Variants in DLC1 observed in about 807,000 individuals in gnomAD.
DLC1 encodes DLC1 Rho GTPase activating protein, also known as rho GTPase-activating protein 7.
Under a neutral mutation model 140.3 loss-of-function variants are expected in DLC1, and 54 were observed. That is an observed-to-expected ratio of 0.38 (90% CI 0.31 to 0.48). DLC1 has a LOEUF of 0.48. DLC1 is among the 20% of genes least tolerant of loss of function. DLC1 has a pLI of 0.96. For missense variants in DLC1, 2,536 were observed against 1,907.0 expected, an observed-to-expected ratio of 1.33 and a Z score of -6.14; for synonymous variants, 986 against 728.1, an observed-to-expected ratio of 1.35 and a Z score of -5.70.
At chr8:13,501,874 A>G (rs1801837112) in intron 1 of DLC1, among the ~76,000 whole-genome samples, 1 of 152,190 alleles carries the variant, frequency 6.6e-6, no homozygotes, top group South Asian at 2.1e-4. Flanking sequence ...AAGAACACAT[A>G]GATGCAAGCC....
intron 2 of DLC1, among the ~76,000 whole-genome samples, chr8:13,453,400 A>G (rs1459581994): frequency 2.3e-4 from 9 of 38,852 alleles, no homozygotes; most frequent in South Asian, 9.7e-4. Flanking sequence ...ATATATATAT[A>G]TGTGTATATA....
At chr8:13,357,771 A>C (rs1413293578) in intron 4 of DLC1, among the ~76,000 whole-genome samples, 3 of 152,242 alleles carry the variant, frequency 2.0e-5, no homozygotes, top group Non-Finnish European at 4.4e-5. Context: ...ACTCTTATGA[A>C]AATCCAGATG....
At chr8:13,195,407 T>C (rs1826989678) in intron 5 of DLC1, among the ~76,000 whole-genome samples, 1 of 152,198 alleles carries the variant, frequency 6.6e-6, no homozygotes, top group African/African-American at 2.4e-5. Context: ...AGCCTTCCTA[T>C]ATAAATAAAT....
At chr8:13,417,633 C>T (rs1218097473) in intron 2 of DLC1, among the ~76,000 whole-genome samples, 1 of 151,950 alleles carries the variant, frequency 6.6e-6, no homozygotes, top group Non-Finnish European at 1.5e-5. Context: ...GTGTTGGTTC[C>T]AAGTCTTTGC....
At chr8:13,472,323 G>A (rs1001931711) in intron 2 of DLC1, among the ~76,000 whole-genome samples, 2 of 152,112 alleles carry the variant, frequency 1.3e-5, no homozygotes, top group Non-Finnish European at 2.9e-5. Flanking sequence ...GGGAGTGTTG[G>A]TTCATTCATT....
intron 5 of DLC1, among the ~76,000 whole-genome samples, chr8:13,150,317 C>G (rs1823713085): frequency 6.6e-6 from 1 of 152,110 alleles, no homozygotes; most frequent in Admixed American, 6.5e-5. Flanking sequence ...CTTCATTATT[C>G]CTTTCAAGGT....
intron 1 of DLC1, among the ~76,000 whole-genome samples, chr8:13,522,140 C>G (rs537758990): frequency 6.6e-6 from 1 of 152,266 alleles, no homozygotes; most frequent in African/African-American, 2.4e-5. Context: ...GAGAATGTTT[C>G]CTGGTACTGC....
At chr8:13,566,957 C>A in intron 1 of DLC1, 7 of 1,509,152 alleles carry the variant, frequency 4.6e-6, no homozygotes, top group Non-Finnish European at 6.2e-6. Flanking sequence ...TTAACCTGGG[C>A]AAAGGAGATG....
chr8:13,520,228 G>A (rs1053096528), intron 1 of DLC1, among the ~76,000 whole-genome samples: 2 of 152,182 alleles, frequency 1.3e-5, no homozygotes, highest in African/African-American at 4.8e-5. Flanking sequence ...CAACCCAAAT[G>A]TCCATCAGTG....
chr8:13,520,990 C>A (rs1484314612), intron 1 of DLC1, among the ~76,000 whole-genome samples: 1 of 152,166 alleles, frequency 6.6e-6, no homozygotes, highest in Non-Finnish European at 1.5e-5. Context: ...GTTCCCATCT[C>A]TTGCCTGATT....
intron 1 of DLC1, among the ~76,000 whole-genome samples, chr8:13,550,271 A>C (rs1355610744): frequency 6.6e-6 from 1 of 152,024 alleles, no homozygotes; most frequent in Non-Finnish European, 1.5e-5. Flanking sequence ...TTCTCTGCTC[A>C]CACTGTGCTT....
At chr8:13,196,033 T>C (rs1827030206) in intron 5 of DLC1, among the ~76,000 whole-genome samples, 1 of 151,664 alleles carries the variant, frequency 6.6e-6, no homozygotes, top group Non-Finnish European at 1.5e-5. Context: ...AAATCCAGCT[T>C]TATACAATAT....
intron 5 of DLC1, among the ~76,000 whole-genome samples, chr8:13,166,098 C>A (rs1260141866): frequency 1.3e-5 from 2 of 152,138 alleles, no homozygotes; most frequent in Non-Finnish European, 2.9e-5. Context: ...CTGGTGTTTC[C>A]CTAATGACAG....
intron 15 of DLC1, among the ~76,000 whole-genome samples, chr8:13,089,454 G>A (rs893971628): frequency 7.2e-5 from 11 of 151,762 alleles, no homozygotes; most frequent in South Asian, 2.1e-4. Flanking sequence ...GTGAAACCCC[G>A]TCTCTACTAA....
At chr8:13,507,993 T>A (rs575818361) in intron 1 of DLC1, among the ~76,000 whole-genome samples, 4 of 152,340 alleles carry the variant, frequency 2.6e-5, no homozygotes, top group South Asian at 4.1e-4. Flanking sequence ...ACATTTTTTT[T>A]ATTCTTAGCC....
chr8:13,121,225 G>C (rs1053669803), intron 5 of DLC1, among the ~76,000 whole-genome samples: 4 of 152,162 alleles, frequency 2.6e-5, no homozygotes, highest in African/African-American at 9.7e-5. Flanking sequence ...TATTGCTAGA[G>C]AACCGTGTCA....
intron 2 of DLC1, among the ~76,000 whole-genome samples, chr8:13,440,949 A>T (rs1364773960): frequency 6.6e-6 from 1 of 152,100 alleles, no homozygotes; most frequent in Non-Finnish European, 1.5e-5. Context: ...GCAGCATGAA[A>T]ACGGTGCTAT....
In DLC1 at chr8:13,141,147, C is replaced by T. The variant is rs150610714; in HGVS notation, c.1349-25490G>A. Among the ~76,000 whole-genome samples, 1,448 of 149,850 alleles carry T rather than the reference C, an allele frequency of 9.7e-3. 17 individuals are homozygous for T. Among genetic ancestry groups the T allele is most frequent in the African/African-American group, 0.033 (1,337 of 40,610 alleles). ...GCGCATGCCTGTAATTCCAGCTACT[C>T]GGGAAGCTGAGGCAGGAGAATCACT... On this transcript the variant is annotated intron_variant, in intron 5 of 17. Transcript: ENST00000276297.
chr8:13,102,885 T>C (rs746768400), intron 7 of DLC1, 32 bp from the exon 8 acceptor site: 6 of 1,594,660 alleles, frequency 3.8e-6, no homozygotes, highest in Middle Eastern at 1.7e-4. Context: ...TTAGCAAAGA[T>C]AGGCAACCAC....
Sources: allele counts gnomAD v4.1 joint callset (sites outside exome capture counted in the v4.1 genomes callset), GRCh38; gene constraint gnomAD v4.1.1; transcripts MANE v1.5; gene names NCBI Gene and HGNC (gene_info 2026-07-23, HGNC 2026-07-21).